Variants in PFKFB3 observed in about 807,000 individuals in gnomAD.
PFKFB3 encodes 6-phosphofructo-2-kinase/fructose-2,6-biphosphatase 3, also known as 6-phosphofructo-2-kinase/fructose-2,6-bisphosphatase 3.
Under a neutral mutation model 68.0 loss-of-function variants are expected in PFKFB3, and 33 were observed. That is an observed-to-expected ratio of 0.49 (90% CI 0.37 to 0.65). The LOEUF (loss-of-function observed/expected upper bound fraction) is 0.65. PFKFB3 is among the 30% of genes least tolerant of loss of function. PFKFB3 has a pLI of 0.00. For missense variants in PFKFB3, 586 were observed against 712.2 expected (o/e 0.82, Z 2.02); for synonymous variants, 315 against 288.2 (o/e 1.09, Z -0.94).
In PFKFB3 at chr10:6,231,718, G is replaced by GC. The variant is rs1488312106; in HGVS notation, c.1516-1172dup. On this transcript the variant is annotated intron_variant, in intron 14 of 14. Transcript: ENST00000379775. ...GACCCAGGGCTCTCTGAAGAGAATT[G>GC]CCCCCTCCCAGTGGGCACCCATCAC... The GC allele has an allele frequency of 7.4e-6, 3 of 405,824 alleles. No individual in the cohort carries two copies. The Admixed American group carries it at 1.9e-4, about 26-fold the overall frequency. 25.1% of individuals were successfully genotyped at this position (405,824 alleles called of 1,614,324 possible). A position where few individuals can be genotyped will look rare whatever the true frequency, so the allele number is the denominator to read the frequency against.
chr10:6,300,054 A>AT, the PFKFB3 span, among the ~76,000 whole-genome samples: 2 of 140,222 alleles, frequency 1.4e-5, no homozygotes, highest in Admixed American at 7.5e-5. Context: ...GATCACTTAA[A>AT]TTTTTTCTGC....
chr10:6,182,536 A>G (rs2131793836), intron 1 of PFKFB3, among the ~76,000 whole-genome samples: 1 of 152,340 alleles, frequency 6.6e-6, no homozygotes, highest in African/African-American at 2.4e-5. Flanking sequence ...CTCCCAGGCC[A>G]GGTCTCCACG....
chr10:6,146,466 G>A lies in PFKFB3; in HGVS notation c.16+1453G>A, dbSNP rs559034540. 5 of 1,535,682 alleles carry A rather than the reference G, an allele frequency of 3.3e-6. No homozygotes were observed. The African/African-American group carries it at 6.8e-5, about 21-fold the overall frequency. ...TCAGCTGGACACGTTTAGTCCCAAG[G>A]CCACTGTCTTCGGTGTCTCCATTAA... On this transcript the variant is annotated intron_variant, in intron 1 of 14. Coordinates refer to the PFKFB3 transcript ENST00000379789.
At chr10:6,308,580 C>A in the PFKFB3 span, among the ~76,000 whole-genome samples, 110 of 152,192 alleles carry the variant, frequency 7.2e-4, no homozygotes, top group Non-Finnish European at 4.0e-4. Context: ...GTTAAGACCA[C>A]CAAGTGCATT....
intron 1 of PFKFB3, among the ~76,000 whole-genome samples, chr10:6,159,469 C>T (rs1426548213): frequency 2.6e-5 from 4 of 151,674 alleles, no homozygotes; most frequent in East Asian, 3.9e-4. Context: ...GAGGCTGAGG[C>T]GGGGGGATCA....
chr10:6,203,432 G>C (rs1211816105), intron 1 of PFKFB3, 96 bp downstream of exon 1: 1 of 757,914 alleles, frequency 1.3e-6, no homozygotes, highest in Admixed American at 4.8e-5. Context: ...TCTGCGGGGG[G>C]CGCGCCCGTG....
intron 14 of PFKFB3, chr10:6,231,598 G>A (rs1321204494): frequency 1.0e-6 from 1 of 985,200 alleles, no homozygotes; most frequent in Non-Finnish European, 1.2e-6. Context: ...TGGGCTGGTG[G>A]TGTTGAGGAC....
At chr10:6,172,116 C>T (rs541860201) in intron 1 of PFKFB3, among the ~76,000 whole-genome samples, 23 of 152,362 alleles carry the variant, frequency 1.5e-4, no homozygotes, top group African/African-American at 4.6e-4. Flanking sequence ...CTGGGGACTG[C>T]GAGAAAGCCC....
chr10:6,316,869 TGGC>T, the PFKFB3 span, among the ~76,000 whole-genome samples: 1 of 152,194 alleles, frequency 6.6e-6, no homozygotes, highest in African/African-American at 2.4e-5. Flanking sequence ...GGAAGACTCT[TGGC>T]CAGGTCTGCA....
At chr10:6,165,568 G>A (rs142612447) in intron 1 of PFKFB3, among the ~76,000 whole-genome samples, 16 of 152,254 alleles carry the variant, frequency 1.1e-4, no homozygotes, top group African/African-American at 3.6e-4. Flanking sequence ...GGATGAACAT[G>A]TCTGGCGTTC....
the PFKFB3 span, among the ~76,000 whole-genome samples, chr10:6,265,726 C>G: frequency 6.6e-6 from 1 of 152,120 alleles, no homozygotes; most frequent in South Asian, 2.1e-4. Context: ...ACATCCTACT[C>G]CTCATCCAAA....
the PFKFB3 span, among the ~76,000 whole-genome samples, chr10:6,308,092 C>G: frequency 6.6e-6 from 1 of 152,198 alleles, no homozygotes. Context: ...TATGAATTAG[C>G]CATTTTTGCG....
the PFKFB3 span, among the ~76,000 whole-genome samples, chr10:6,270,824 G>C: frequency 1.3e-5 from 2 of 152,150 alleles, no homozygotes; most frequent in East Asian, 3.9e-4. Context: ...TCTCTCACTA[G>C]ACTTAAGCAC....
intron 1 of PFKFB3, among the ~76,000 whole-genome samples, chr10:6,156,129 A>ATGTG (rs112267780): frequency 0.059 from 5,672 of 96,878 alleles, 215 homozygotes; most frequent in African/African-American, 0.12. Context: ...GTACATATAT[A>ATGTG]TGTGTGTGTG....
rs1380205499 is a variant in PFKFB3 at position 6,234,114 on chromosome 10, C to G, written c.*1172C>G. Reference sequence around the variant, plus strand: ...ATGGAAAGCATGGGACCTGTCGTCTCAGCCTGTTGGTTTCTCCTCATTGCC... The same window carrying G: ...ATGGAAAGCATGGGACCTGTCGTCTGAGCCTGTTGGTTTCTCCTCATTGCC... On this transcript the variant is annotated 3_prime_UTR_variant, in exon 15 of 15. Transcript: ENST00000379775. The G allele has an allele frequency of 6.6e-6, 1 of 152,446 alleles. No individual in the cohort carries two copies. The highest frequency in any genetic ancestry group is 6.5e-5 in the Admixed American group (1 of 15,286). 9.4% of individuals were successfully genotyped at this position (152,446 alleles called of 1,614,324 possible).
intron 1 of PFKFB3, among the ~76,000 whole-genome samples, chr10:6,179,609 G>A (rs956896036): frequency 6.6e-6 from 1 of 152,168 alleles, no homozygotes; most frequent in Non-Finnish European, 1.5e-5. Flanking sequence ...GGGTGTGGAG[G>A]CCCAGGAGGA....
chr10:6,237,518 T>A (rs547148114), downstream of PFKFB3, among the ~76,000 whole-genome samples: 12 of 152,260 alleles, frequency 7.9e-5, no homozygotes, highest in Non-Finnish European at 1.3e-4. Flanking sequence ...TTAACAAAAA[T>A]TCAAAGCCTT....
chr10:6,176,091 C>A (rs1200025364), intron 1 of PFKFB3, among the ~76,000 whole-genome samples: 1 of 152,188 alleles, frequency 6.6e-6, no homozygotes, highest in Non-Finnish European at 1.5e-5. Flanking sequence ...GTGGAGAAGT[C>A]AAGTGTGGTG....
chr10:6,236,791 G>A (rs188360321), downstream of PFKFB3, among the ~76,000 whole-genome samples: 29 of 152,340 alleles, frequency 1.9e-4, no homozygotes, highest in Non-Finnish European at 3.1e-4. Flanking sequence ...GTCCTGGGCC[G>A]GCCGGGCTGT....
Sources: allele counts gnomAD v4.1 joint callset (sites outside exome capture counted in the v4.1 genomes callset), GRCh38; gene constraint gnomAD v4.1.1; transcripts MANE v1.5; gene names NCBI Gene and HGNC (gene_info 2026-07-23, HGNC 2026-07-21).